The following CFAP44 variants were observed in gnomAD, a reference collection of about 807,000 sequenced individuals.
CFAP44 encodes cilia and flagella associated protein 44.
Under a neutral mutation model 216.2 loss-of-function variants are expected in CFAP44, and 134 were observed. The observed-to-expected ratio is 0.62, with a 90% confidence interval of 0.54 to 0.72. The LOEUF is 0.72. Ranked by LOEUF, CFAP44 falls within the 30% of genes least tolerant of loss-of-function variation. The pLI is 0.00. For missense variants in CFAP44, 2,035 were observed against 2,182.1 expected, an observed-to-expected ratio of 0.93 and a Z score of 1.34; for synonymous variants, 700 against 727.6, an observed-to-expected ratio of 0.96 and a Z score of 0.61.
At chr3:113,441,344 A>AT (rs1486701455) in intron 1 of CFAP44, 109 bp downstream of exon 1, 6 of 971,488 alleles carry the variant, frequency 6.2e-6, no homozygotes, top group South Asian at 9.5e-5. Context: ...GACGAAGGCT[A>AT]TAACACTGGT....
rs1394573613 is a variant in CFAP44 at position 113,341,768 on chromosome 3, T to C, written c.3413A>G (p.Gln1138Arg). The change falls in exon 24 of 35, where the codon CAG (glutamine) becomes CGG (arginine). Residue 1138 changes from glutamine (Q) to arginine (R), a missense_variant. Coordinates refer to ENST00000393845, the MANE Select transcript of CFAP44 (RefSeq NM_001164496.2). ...CAGTTCCTCCCATTCTTTTTTTCGC[T>C]GTTGAATCTTTAGTTGTGCCCTTTC... is the stretch of plus-strand genomic sequence containing the variant. ...KAERAQLKIQ[Q>R]RKKEWEELYK... 1.3e-6 allele frequency: 2 copies of C among 1,497,094 alleles called. No individual in the cohort carries two copies. The highest frequency in any genetic ancestry group is 2.8e-5 in the African/African-American group (2 of 70,272). The allele number at this position is 1,497,094 out of a possible 1,614,324, so 92.7% of individuals were successfully genotyped here.
intron 2 of CFAP44, among the ~76,000 whole-genome samples, chr3:113,431,186 G>A (rs1935097340): frequency 6.6e-6 from 1 of 152,148 alleles, no homozygotes; most frequent in African/African-American, 2.4e-5. Flanking sequence ...GGCTGAGCCA[G>A]GAGGAAGAGA....
chr3:113,339,332 C>T lies in CFAP44; in HGVS notation c.3437+2412G>A, dbSNP rs150899265. ...CTGAAAGACAGGGAATAGAGGCAGC[C>T]CTCATTCCTTTCCTTCTTTCAGTGA... is the stretch of plus-strand genomic sequence containing the variant. On this transcript the variant is annotated intron_variant, in intron 24 of 34. Coordinates refer to ENST00000393845, the MANE Select transcript of CFAP44 (RefSeq NM_001164496.2). Among the ~76,000 whole-genome samples the T allele has an allele frequency of 2.9e-4, 44 of 152,286 alleles. 1 individual carries two copies. The highest frequency in any genetic ancestry group is 1.0e-3 in the African/African-American group (42 of 41,550).
chr3:113,298,094 A>G (rs1576534593), intron 32 of CFAP44, among the ~76,000 whole-genome samples: 1 of 152,342 alleles, frequency 6.6e-6, no homozygotes, highest in East Asian at 1.9e-4. Context: ...GGCCTCTCTC[A>G]GTAAAGAGCT....
At chr3:113,327,448 T>C (rs1950198351) in intron 27 of CFAP44, among the ~76,000 whole-genome samples, 168 bp downstream of exon 27, 1 of 152,134 alleles carries the variant, frequency 6.6e-6, no homozygotes, top group South Asian at 2.1e-4. Context: ...CCATGAATAC[T>C]AAAGATGGAG....
In CFAP44 at chr3:113,305,181, T is replaced by A. The variant is rs147625487; in HGVS notation, c.4759-29A>T. 1.5e-5 allele frequency: 23 copies of A among 1,514,440 alleles called. No individual in the cohort carries two copies. The East Asian group carries it at 5.6e-4, about 37-fold the overall frequency. The allele number at this position is 1,514,440 out of a possible 1,614,324, so 93.8% of individuals were successfully genotyped here. On this transcript the variant is annotated intron_variant, in intron 30 of 34. Coordinates refer to ENST00000393845, the MANE Select transcript of CFAP44 (RefSeq NM_001164496.2). ...TAGAAAGCCCCGTGTTGTGAAATGGTGACAAGACTCAATAAACATACATCT... is the reference window on the plus strand; with the variant it reads ...TAGAAAGCCCCGTGTTGTGAAATGGAGACAAGACTCAATAAACATACATCT...
intron 26 of CFAP44, among the ~76,000 whole-genome samples, chr3:113,328,989 A>G (rs375159154): frequency 8.5e-5 from 13 of 152,332 alleles, no homozygotes; most frequent in African/African-American, 3.1e-4. Flanking sequence ...CCCTGCATAC[A>G]GAACATCCAA....
intron 4 of CFAP44, among the ~76,000 whole-genome samples, chr3:113,424,598 T>C (rs1934909695): frequency 6.6e-6 from 1 of 152,212 alleles, no homozygotes; most frequent in Admixed American, 6.5e-5. Context: ...TATATGTCCA[T>C]CTGCAGAGAG....
chr3:113,403,930 T>A lies in CFAP44; in HGVS notation c.1092A>T (p.Ser364=), dbSNP rs1408001858. 1 of 1,614,098 alleles carries A rather than the reference T, an allele frequency of 6.2e-7. No individual in the cohort carries two copies. The highest frequency in any genetic ancestry group is 8.5e-7 in the Non-Finnish European group (1 of 1,180,038). The change falls in exon 9 of 35, where the codon TCA becomes TCT. Residue 364 remains serine, a synonymous_variant. Coordinates refer to ENST00000393845, the MANE Select transcript of CFAP44 (RefSeq NM_001164496.2). ...TCTGGTTAATGGGACCATTGTGACA[T>A]GACTTGCTTGTCCCTCGACAGAGCT... is the stretch of plus-strand genomic sequence containing the variant. The part of the protein sequence containing the change: ...KVELCRGTSK[S]CHNGPINQIM...
intron 17 of CFAP44, among the ~76,000 whole-genome samples, chr3:113,374,837 T>C (rs944555896): frequency 7.2e-5 from 11 of 152,196 alleles, no homozygotes; most frequent in Non-Finnish European, 7.3e-5. Flanking sequence ...GGTTTTGCCA[T>C]GTTGGCCAGG....
intron 17 of CFAP44, among the ~76,000 whole-genome samples, chr3:113,377,423 T>A (rs1403186872): frequency 1.3e-5 from 2 of 152,180 alleles, no homozygotes; most frequent in African/African-American, 2.4e-5. Flanking sequence ...CCAGATTGCT[T>A]GAGTCCAGAT....
intron 28 of CFAP44, among the ~76,000 whole-genome samples, chr3:113,310,597 A>T (rs1950028519): frequency 6.6e-6 from 1 of 152,242 alleles, no homozygotes; most frequent in African/African-American, 2.4e-5. Context: ...AGTCACTCAT[A>T]CCACAAACCA....
At chr3:113,376,084 T>C (rs1403144655) in intron 17 of CFAP44, among the ~76,000 whole-genome samples, 1 of 152,200 alleles carries the variant, frequency 6.6e-6, no homozygotes, top group African/African-American at 2.4e-5. Flanking sequence ...AAGACAAATA[T>C]AATCCTATAG....
At chr3:113,405,730 A>C (rs952699874) in intron 8 of CFAP44, among the ~76,000 whole-genome samples, 1 of 152,188 alleles carries the variant, frequency 6.6e-6, no homozygotes, top group Non-Finnish European at 1.5e-5. Flanking sequence ...TTTCTTCCCT[A>C]TATCTATACA....
At chr3:113,342,034 T>G in intron 23 of CFAP44, 116 bp from the exon 24 acceptor site, 2 of 1,258,844 alleles carry the variant, frequency 1.6e-6, no homozygotes, top group Non-Finnish European at 1.1e-6. Context: ...AATTTGTAAA[T>G]CAAAGTATTT....
intron 28 of CFAP44, among the ~76,000 whole-genome samples, chr3:113,313,096 C>T (rs780359254): frequency 1.4e-4 from 21 of 152,036 alleles, no homozygotes; most frequent in Non-Finnish European, 2.1e-4. Context: ...CTGGAAAAGC[C>T]GCAGACGCTC....
chr3:113,343,062 T>TC (rs1219915348), intron 23 of CFAP44, among the ~76,000 whole-genome samples: 3 of 67,944 alleles, frequency 4.4e-5, no homozygotes, highest in Non-Finnish European at 7.8e-5. Context: ...TTTCTTTCTT[T>TC]TTTTTTTTTT....
chr3:113,341,615 CTTT>C, intron 24 of CFAP44, 126 bp downstream of exon 24: 1 of 1,110,224 alleles, frequency 9.0e-7, no homozygotes. Context: ...ATATCTCCTT[CTTT>C]GTTTTTATTG....
In CFAP44 at chr3:113,305,170, T is replaced by C. The variant is rs1949973463; in HGVS notation, c.4759-18A>G. The C allele has an allele frequency of 3.3e-6, 5 of 1,531,578 alleles. No individual in the cohort carries two copies. Among genetic ancestry groups the C allele is most frequent in the African/African-American group, 1.4e-5 (1 of 73,028 alleles). 94.9% of individuals were successfully genotyped at this position (1,531,578 alleles called of 1,614,324 possible). A position where few individuals can be genotyped will look rare whatever the true frequency, so the allele number is the denominator to read the frequency against. ...ATTTTCACCTGTAGAAAGCCCCGTGTTGTGAAATGGTGACAAGACTCAATA... is the reference window on the plus strand; with the variant it reads ...ATTTTCACCTGTAGAAAGCCCCGTGCTGTGAAATGGTGACAAGACTCAATA... On this transcript the variant is annotated intron_variant, in intron 30 of 34. Coordinates refer to ENST00000393845, the MANE Select transcript of CFAP44 (RefSeq NM_001164496.2).
Sources: allele counts gnomAD v4.1 joint callset (sites outside exome capture counted in the v4.1 genomes callset), GRCh38; gene constraint gnomAD v4.1.1; transcripts MANE v1.5; gene names NCBI Gene and HGNC (gene_info 2026-07-23, HGNC 2026-07-21).